Variants in RBM27 observed in about 807,000 individuals in gnomAD.
RBM27 encodes the protein RNA-binding protein 27.
RBM27 carries 22 observed loss-of-function variants against 135.3 expected under a neutral mutation model. The ratio of observed to expected loss-of-function variants is 0.16; its 90% CI spans 0.12 to 0.23. The LOEUF (loss-of-function observed/expected upper bound fraction) is 0.23. Ranked by LOEUF, RBM27 falls within the 10% of genes least tolerant of loss-of-function variation. The pLI is 1.00. For synonymous variants in RBM27, 481 were observed against 442.4 expected, an observed-to-expected ratio of 1.09 and a Z score of -1.10; for missense variants, 1,009 against 1,281.0, an observed-to-expected ratio of 0.79 and a Z score of 3.24.
rs886245924 is a variant in RBM27, at chr5:146,208,443, A to T, written c.59+4619A>T. Among the ~76,000 whole-genome samples, 4 of 152,210 alleles carry T rather than the reference A, an allele frequency of 2.6e-5. No individual in the cohort carries two copies. In the South Asian group the frequency reaches 6.2e-4, roughly 24 times the overall value. On this transcript the variant is annotated intron_variant, in intron 1 of 20. Coordinates refer to ENST00000265271, the MANE Select transcript of RBM27 (RefSeq NM_018989.2). ...AAGAAATGACTCCTTAACTGGCTGG[A>T]ATAGACTAGTACCACCATTTTTGTT... is the stretch of plus-strand genomic sequence containing the variant.
intron 8 of RBM27, among the ~76,000 whole-genome samples, chr5:146,239,571 G>T (rs567431603): frequency 6.9e-6 from 1 of 144,106 alleles, no homozygotes; most frequent in Non-Finnish European, 1.5e-5. Flanking sequence ...TTTGCCTCCC[G>T]GGTTCAAGCA....
intron 10 of RBM27, 70 bp from the exon 11 acceptor site, chr5:146,258,379 T>C: frequency 7.7e-7 from 1 of 1,299,128 alleles, no homozygotes; most frequent in East Asian, 2.7e-5. Flanking sequence ...AGTTTTTAGC[T>C]TTTAGACTAA....
At chr5:146,250,957 AG>A (rs2126817547) in intron 8 of RBM27, among the ~76,000 whole-genome samples, 1 of 151,750 alleles carries the variant, frequency 6.6e-6, no homozygotes, top group South Asian at 2.1e-4. Flanking sequence ...TTGTATTTTT[AG>A]TAGAGACGGG....
At chr5:146,207,955 T>TG (rs1192673838) in intron 1 of RBM27, among the ~76,000 whole-genome samples, 3 of 140,708 alleles carry the variant, frequency 2.1e-5, no homozygotes, top group Non-Finnish European at 4.6e-5. Context: ...TAACAGGTTT[T>TG]TTTTTTTTTT....
chr5:146,214,930 C>G (rs938387522), intron 1 of RBM27, among the ~76,000 whole-genome samples: 1 of 152,162 alleles, frequency 6.6e-6, no homozygotes, highest in African/African-American at 2.4e-5. Context: ...CTTTTACTTT[C>G]CTGTATATTC....
At position 146,271,628 on chromosome 5, in the gene RBM27, G is replaced by A; in HGVS notation, c.2942G>A (p.Gly981Glu). 6.2e-7 allele frequency: 1 copy of A among 1,613,980 alleles called. No individual in the cohort carries two copies. The highest frequency in any genetic ancestry group is 2.2e-5 in the East Asian group (1 of 44,884). The part of the protein sequence containing the change: ...VDHRPKALTV[G>E]GFIEEEKEDL... ...CATCGTCCCAAAGCACTAACAGTTG[G>A]AGGATTCATTGAGGAAGAAAAAGAA... Residue 981 changes from glycine to glutamate, a missense_variant, in exon 19 of 21, where the codon GGA (glycine) becomes GAA (glutamate). By Grantham distance (98) the Gly-to-Glu change is moderately conservative (BLOSUM62 -2). Coordinates refer to ENST00000265271, the MANE Select transcript of RBM27 (RefSeq NM_018989.2).
At chr5:146,265,755 A>G (rs757490296) in intron 14 of RBM27, among the ~76,000 whole-genome samples, 2 of 152,208 alleles carry the variant, frequency 1.3e-5, no homozygotes, top group Admixed American at 6.5e-5. Flanking sequence ...TCTAAAACCC[A>G]TCTGTGAGCA....
At position 146,229,050 on chromosome 5, in the gene RBM27, CT is replaced by C; in HGVS notation, c.395+16del. On this transcript the variant is annotated intron_variant, in intron 4 of 20. Transcript: ENST00000265271. ...CTAGTGAACGAAGGTTTGTGTTTATCTTTAATTAGGAAGACATTGATAACTC... is the reference window on the plus strand; with the variant it reads ...CTAGTGAACGAAGGTTTGTGTTTATCTTAATTAGGAAGACATTGATAACTC... The C allele has an allele frequency of 2.5e-6, 4 of 1,605,416 alleles. No individual in the cohort carries two copies. Among genetic ancestry groups the C allele is most frequent in the Non-Finnish European group, 3.4e-6 (4 of 1,173,362 alleles).
At chr5:146,242,630 G>A (rs1390944508) in intron 8 of RBM27, among the ~76,000 whole-genome samples, 1 of 152,080 alleles carries the variant, frequency 6.6e-6, no homozygotes. Flanking sequence ...GTCTTACTCT[G>A]TTGCCCAGGC....
In RBM27 at chr5:146,203,769, C is replaced by T. The variant is rs1755488413; in HGVS notation, c.4C>T (p.Leu2Phe). The change falls in exon 1 of 21, where the codon CTC (leucine) becomes TTC (phenylalanine). Residue 2 changes from leucine to phenylalanine, a missense_variant. Physicochemically the swap from Leu to Phe is conservative, Grantham distance 22. This residue lies in a region of RBM27 where 268 missense variants were observed against 326.6 expected (regional missense o/e 0.82). Transcript: ENST00000265271. ...CCGAGCCCGCCTTCCCTGCACCATGCTCATAGAGGATGTGGATGCCCTCAA... is the reference window on the plus strand; with the variant it reads ...CCGAGCCCGCCTTCCCTGCACCATGTTCATAGAGGATGTGGATGCCCTCAA... Reference protein sequence around the residue: MLIEDVDALKSW... With the variant: MFIEDVDALKSW... The T allele has an allele frequency of 1.9e-6, 3 of 1,550,844 alleles. No individual in the cohort carries two copies. The highest frequency in any genetic ancestry group is 1.7e-4 in the Middle Eastern group (1 of 5,942).
Position 146,260,801 on chromosome 5 carries a change from A to C in RBM27, c.1796A>C (p.Asn599Thr). 2 of 1,613,664 alleles carry C rather than the reference A, an allele frequency of 1.2e-6. No individual in the cohort carries two copies. ...PGFLRKNQYT[N>T]TKLEVKKIPQ... ...TTCTTACGAAAGAATCAGTATACAAACACCAAATTAGAAGTCAAGAAAATC... is the reference window on the plus strand; with the variant it reads ...TTCTTACGAAAGAATCAGTATACAACCACCAAATTAGAAGTCAAGAAAATC... The change falls in exon 12 of 21, where the codon AAC (asparagine) becomes ACC (threonine). Residue 599 changes from asparagine to threonine, a missense_variant. Coordinates refer to ENST00000265271, the MANE Select transcript of RBM27 (RefSeq NM_018989.2).
intron 3 of RBM27, among the ~76,000 whole-genome samples, chr5:146,227,217 C>T (rs1756719773): frequency 6.6e-6 from 1 of 152,232 alleles, no homozygotes; most frequent in Non-Finnish European, 1.5e-5. Context: ...TTATGAAGCA[C>T]ACTGCCTTCA....
rs145738181 is a variant in RBM27, at chr5:146,230,943, T to C, written c.850+26T>C. The C allele has an allele frequency of 3.5e-5, 57 of 1,611,044 alleles. No individual in the cohort carries two copies. In the East Asian group the frequency reaches 9.1e-4, roughly 26 times the overall value. On this transcript the variant is annotated intron_variant, in intron 6 of 20. Transcript: ENST00000265271. ...GTAAAAATCACCACCTTTTCTCATA[T>C]TGTGCCCAAAAGTACTAGCAGAGCA... is the stretch of plus-strand genomic sequence containing the variant.
Position 146,286,752 on chromosome 5 carries a change from AGTGAGCGCTG to A in RBM27, c.*725_*734del, listed in dbSNP as rs912524919. On this transcript the variant is annotated 3_prime_UTR_variant, in exon 21 of 21. Transcript: ENST00000265271. ...TGATTCTTAGTTTGCTTTGATATTT[AGTGAGCGCTG>A]GTTCGGCTGGTCTTTTTAAAAATTT... 6.6e-6 allele frequency: 1 copy of A among 152,106 alleles called. No homozygotes were observed. Among genetic ancestry groups the A allele is most frequent in the African/African-American group, 2.4e-5 (1 of 41,400 alleles). 9.4% of individuals were successfully genotyped at this position (152,106 alleles called of 1,614,324 possible).
intron 2 of RBM27, among the ~76,000 whole-genome samples, chr5:146,221,546 G>T (rs1561528629): frequency 6.6e-6 from 1 of 152,042 alleles, no homozygotes; most frequent in African/African-American, 2.4e-5. Context: ...CAATTCTCCT[G>T]CCTCAGCCTC....
intron 13 of RBM27, 42 bp downstream of exon 13, chr5:146,261,848 C>G: frequency 6.3e-7 from 1 of 1,598,028 alleles, no homozygotes; most frequent in Non-Finnish European, 8.6e-7. Context: ...TTAGTTACAC[C>G]CTCTAGATCA....
At chr5:146,215,908 G>A (rs1009324862) in intron 1 of RBM27, among the ~76,000 whole-genome samples, 17 of 151,500 alleles carry the variant, frequency 1.1e-4, no homozygotes, top group African/African-American at 3.9e-4. Context: ...ACACCACCAC[G>A]CCTGGCTAAT....
intron 8 of RBM27, among the ~76,000 whole-genome samples, chr5:146,247,198 C>T (rs565580214): frequency 1.3e-5 from 2 of 151,980 alleles, no homozygotes; most frequent in Non-Finnish European, 2.9e-5. Context: ...TTTATTGCTC[C>T]TCAAAATTCA....
chr5:146,227,968 T>A (rs1208827597), intron 3 of RBM27, among the ~76,000 whole-genome samples: 1 of 152,318 alleles, frequency 6.6e-6, no homozygotes, highest in African/African-American at 2.4e-5. Flanking sequence ...AAATGAATTA[T>A]GTATGTATAT....
Sources: gnomAD v4.1 joint callset for allele counts (sites outside exome capture counted in the v4.1 genomes callset) on GRCh38, gnomAD v4.1.1 for gene constraint, gnomAD v4.1.1 regional missense constraint, MANE v1.5 for transcripts, NCBI Gene and HGNC (gene_info 2026-07-23, HGNC 2026-07-21) for gene names.